The following GTF2IRD2B variants were observed in gnomAD, a reference collection of about 807,000 sequenced individuals.
The protein encoded by GTF2IRD2B is GTF2I repeat domain containing 2B, also known as general transcription factor II-I repeat domain-containing protein 2B.
A neutral mutation model predicts 55.6 loss-of-function variants in GTF2IRD2B; 10 were observed. That is an observed-to-expected ratio of 0.18 (90% confidence interval 0.11 to 0.31). GTF2IRD2B has a LOEUF of 0.31. Ranked by LOEUF, GTF2IRD2B falls within the 10% of genes least tolerant of loss-of-function variation. GTF2IRD2B has a pLI of 1.00. For synonymous variants in GTF2IRD2B, 107 were observed against 320.5 expected, an observed-to-expected ratio of 0.33 and a Z score of 7.12; for missense variants, 206 against 802.7, an observed-to-expected ratio of 0.26 and a Z score of 8.98.
intron 1 of GTF2IRD2B, among the ~76,000 whole-genome samples, chr7:75,107,648 C>T (rs1807851102): frequency 1.5e-5 from 1 of 65,192 alleles, no homozygotes; most frequent in Non-Finnish European, 3.7e-5. Context: ...GCAAGTGGAT[C>T]ACTTGAGGTC....
Position 75,145,681 on chromosome 7 carries a change from T to C in GTF2IRD2B, c.1246+1703T>C, listed in dbSNP as rs1372306727. 2.8e-3 allele frequency among the ~76,000 whole-genome samples: 395 copies of C among 142,664 alleles called. 1 individual carries two copies. Among genetic ancestry groups the C allele is most frequent in the African/African-American group, 9.4e-3 (348 of 36,858 alleles). The allele number at this position is 142,664 out of a possible 152,430, so 93.6% of individuals were successfully genotyped here. ...CAGGGAGTCGGGGGTTGCAGTGAGCTGAGATCGTGCCACTGCACTCCAGTT... is the reference window on the plus strand; with the variant it reads ...CAGGGAGTCGGGGGTTGCAGTGAGCCGAGATCGTGCCACTGCACTCCAGTT... On this transcript the variant is annotated intron_variant, in intron 15 of 15. Transcript: ENST00000472837.
intron 1 of GTF2IRD2B, among the ~76,000 whole-genome samples, chr7:75,104,652 A>T (rs1297516622): frequency 2.0e-5 from 3 of 152,288 alleles, no homozygotes; most frequent in Non-Finnish European, 4.4e-5. Context: ...AAGAATCAGG[A>T]TGGAGCATGA....
At chr7:75,102,276 C>T (rs1281738247) in intron 1 of GTF2IRD2B, among the ~76,000 whole-genome samples, 4 of 151,540 alleles carry the variant, frequency 2.6e-5, no homozygotes, top group East Asian at 1.9e-4. Context: ...GCTGGGATTA[C>T]AGGCGTGAGC....
At chr7:75,130,573 G>A (rs1349907342) in intron 8 of GTF2IRD2B, among the ~76,000 whole-genome samples, 1 of 151,980 alleles carries the variant, frequency 6.6e-6, no homozygotes, top group Non-Finnish European at 1.5e-5. Context: ...CGCCCCCCGG[G>A]TTCAAGTGAT....
intron 11 of GTF2IRD2B, among the ~76,000 whole-genome samples, chr7:75,138,585 TGAACC>T (rs1808922636): frequency 1.6e-5 from 2 of 122,752 alleles, no homozygotes; most frequent in Admixed American, 8.1e-5. Flanking sequence ...GAGAATCACT[TGAACC>T]TGGGAGGCAA....
rs1291171274 is a variant in GTF2IRD2B at position 75,122,865 on chromosome 7, T to C, written c.359-271T>C. On this transcript the variant is annotated intron_variant, in intron 4 of 15. Transcript: ENST00000472837. ...CCGTTCGAGACCAGTCTGGACAACA[T>C]GGTGAAACCTCATCTCTACTAAAAT... is the stretch of plus-strand genomic sequence containing the variant. 8.5e-4 allele frequency among the ~76,000 whole-genome samples: 128 copies of C among 150,760 alleles called. 1 individual carries two copies. Among genetic ancestry groups the C allele is most frequent in the Admixed American group, 2.6e-3 (40 of 15,102 alleles).
intron 8 of GTF2IRD2B, among the ~76,000 whole-genome samples, chr7:75,126,734 C>T (rs1808522715): frequency 6.7e-6 from 1 of 149,084 alleles, no homozygotes; most frequent in Non-Finnish European, 1.5e-5. Flanking sequence ...CGGTGGATCA[C>T]GCCTGTAATC....
intron 2 of GTF2IRD2B, among the ~76,000 whole-genome samples, chr7:75,109,278 A>G (rs1807889446): frequency 7.0e-6 from 1 of 142,406 alleles, no homozygotes; most frequent in African/African-American, 2.5e-5. Context: ...CGTTCAAGCA[A>G]TTCTCCTGCC....
chr7:75,123,125 T>G lies in GTF2IRD2B; in HGVS notation c.359-11T>G, dbSNP rs1554452139. The G allele has an allele frequency of 6.5e-7, 1 of 1,537,996 alleles. No individual in the cohort carries two copies. ...TTCACACCATCCAAAGACGTTTGCG[T>G]CTTCTTGTAGGTAAAGCCTTAGGGA... On this transcript the variant is annotated splice_polypyrimidine_tract_variant and intron_variant, in intron 4 of 15. Transcript: ENST00000472837.
At chr7:75,104,900 GA>G (rs1807725273) in intron 1 of GTF2IRD2B, among the ~76,000 whole-genome samples, 3 of 152,296 alleles carry the variant, frequency 2.0e-5, no homozygotes, top group African/African-American at 7.2e-5. Context: ...TCTTTGCTAT[GA>G]AAAACAATAC....
At chr7:75,123,028 T>C (rs1584538480) in intron 4 of GTF2IRD2B, 108 bp from the exon 5 acceptor site, 1 of 1,549,718 alleles carries the variant, frequency 6.5e-7, no homozygotes, top group African/African-American at 1.4e-5. Flanking sequence ...CCAGCCGGGG[T>C]GGCAGAGCGA....
chr7:75,117,622 G>A (rs1386192481), intron 3 of GTF2IRD2B, among the ~76,000 whole-genome samples: 3 of 152,300 alleles, frequency 2.0e-5, no homozygotes, highest in African/African-American at 7.2e-5. Context: ...CAGGTGCAGT[G>A]GCTCACATAT....
At position 75,123,157 on chromosome 7, in the gene GTF2IRD2B, T is replaced by C. The variant is rs1554452141; in HGVS notation, c.380T>C (p.Val127Ala). The C allele has an allele frequency of 1.3e-6, 2 of 1,520,476 alleles. No individual in the cohort carries two copies. The highest frequency in any genetic ancestry group is 8.8e-7 in the Non-Finnish European group (1 of 1,134,478). 94.2% of individuals were successfully genotyped at this position (1,520,476 alleles called of 1,614,324 possible). Residue 127 changes from valine (V) to alanine (A), a missense_variant, in exon 5 of 16, where the codon GTG becomes GCG. Val to Ala is a moderately conservative substitution (Grantham distance 64). Coordinates refer to ENST00000472837, the MANE Select transcript of GTF2IRD2B (RefSeq NM_001003795.3). ...GTAGGTAAAGCCTTAGGGACAACAGTGATGGTGCCTGTTCCCTATGAGAAG... is the reference window on the plus strand; with the variant it reads ...GTAGGTAAAGCCTTAGGGACAACAGCGATGGTGCCTGTTCCCTATGAGAAG... ...FCYGKALGTT[V>A]MVPVPYEKML...
intron 1 of GTF2IRD2B, among the ~76,000 whole-genome samples, 184 bp downstream of exon 1, chr7:75,092,949 G>A (rs1807300173): frequency 6.6e-6 from 1 of 151,816 alleles, no homozygotes; most frequent in Admixed American, 6.5e-5. Flanking sequence ...CCTGCTGGCA[G>A]GACCAGAGGT....
intron 3 of GTF2IRD2B, among the ~76,000 whole-genome samples, chr7:75,118,587 A>C (rs1425681572): frequency 1.3e-5 from 2 of 150,458 alleles, no homozygotes; most frequent in Non-Finnish European, 3.0e-5. Context: ...CTAGCAGCTA[A>C]TCCCATGTTA....
In GTF2IRD2B at chr7:75,121,682, C is replaced by A. The variant is rs9769352; in HGVS notation, c.358+672C>A. On this transcript the variant is annotated intron_variant, in intron 4 of 15. Transcript: ENST00000472837. ...CCATGTTGGCCAGGTTGGTCTCGAA[C>A]TCCTGACCTCAGGTGATCCTCCTGC... Among the ~76,000 whole-genome samples the A allele has an allele frequency of 9.9e-5, 15 of 151,518 alleles. No individual in the cohort carries two copies. The East Asian group carries it at 2.7e-3, about 28-fold the overall frequency.
At position 75,147,370 on chromosome 7, in the gene GTF2IRD2B, T is replaced by C. The variant is rs1394386040; in HGVS notation, c.1247-324T>C. 1.2e-4 allele frequency among the ~76,000 whole-genome samples: 18 copies of C among 151,814 alleles called. No homozygotes were observed. The East Asian group carries it at 2.7e-3, about 23-fold the overall frequency. On this transcript the variant is annotated intron_variant, in intron 15 of 15. Transcript: ENST00000472837. ...ATCGCTTGAACCCAGGAGGCAGAAG[T>C]TGCAGTGAGCCGAGATTGCGCCACT...
At chr7:75,127,275 T>C (rs1187282203) in intron 8 of GTF2IRD2B, among the ~76,000 whole-genome samples, 1 of 150,878 alleles carries the variant, frequency 6.6e-6, no homozygotes, top group African/African-American at 2.4e-5. Context: ...ACCCCGGAGT[T>C]CAAGACCAGC....
chr7:75,102,058 A>G (rs1318523420), intron 1 of GTF2IRD2B, among the ~76,000 whole-genome samples: 1 of 151,150 alleles, frequency 6.6e-6, no homozygotes, highest in Admixed American at 6.6e-5. Context: ...GCTGGAGTGC[A>G]GTGGTGGGAT....
Sources: allele counts gnomAD v4.1 joint callset (sites outside exome capture counted in the v4.1 genomes callset), GRCh38; gene constraint gnomAD v4.1.1; transcripts MANE v1.5; gene names NCBI Gene and HGNC (gene_info 2026-07-23, HGNC 2026-07-21).